CNDP1: variants seen among roughly 807,000 people sequenced by gnomAD.
The protein encoded by CNDP1 is beta-Ala-His dipeptidase.
In CNDP1, 44 loss-of-function variants were observed where a neutral mutation model predicts 58.1. The ratio of observed to expected loss-of-function variants is 0.76; its 90% CI spans 0.60 to 0.97. The LOEUF is 0.97. Ranked by LOEUF, CNDP1 falls within the 50% of genes least tolerant of loss-of-function variation. The probability of loss-of-function intolerance (pLI) is 0.00; values close to 1 mark genes in which losing one functional copy is unlikely to be tolerated. For missense variants in CNDP1, 616 were observed against 655.1 expected, an observed-to-expected ratio of 0.94 and a Z score of 0.65; for synonymous variants, 254 against 252.6, an observed-to-expected ratio of 1.01 and a Z score of -0.05.
intron 10 of CNDP1, among the ~76,000 whole-genome samples, chr18:74,582,666 A>G (rs1981817196): frequency 2.0e-5 from 3 of 152,224 alleles, no homozygotes; most frequent in Admixed American, 2.0e-4. Flanking sequence ...GATAAGCTTC[A>G]AGATGGTCAA....
Position 74,586,450 on chromosome 18 carries a change from A to C in CNDP1, c.*1888A>C, listed in dbSNP as rs1167202108. ...ACAGTAAGAGAGATTTAGAGTCTTC[A>C]TGTTAGTCCATTAACATAAGTTTAT... On this transcript the variant is annotated 3_prime_UTR_variant, in exon 12 of 12. Transcript: ENST00000358821. The C allele has an allele frequency of 6.6e-6, 1 of 152,226 alleles. No individual in the cohort carries two copies. Among genetic ancestry groups the C allele is most frequent in the African/African-American group, 2.4e-5 (1 of 41,462 alleles). The allele number at this position is 152,226 out of a possible 1,614,324, so 9.4% of individuals were successfully genotyped here.
At chr18:74,560,567 T>C (rs775410614) in intron 3 of CNDP1, among the ~76,000 whole-genome samples, 1 of 151,968 alleles carries the variant, frequency 6.6e-6, no homozygotes, top group Non-Finnish European at 1.5e-5. Context: ...TAGCCGGACA[T>C]GGTGGTGCAC....
chr18:74,582,926 C>T (rs1278969861), intron 10 of CNDP1, among the ~76,000 whole-genome samples: 3 of 152,164 alleles, frequency 2.0e-5, no homozygotes, highest in Non-Finnish European at 4.4e-5. Flanking sequence ...GATGGGAGCT[C>T]TCTCTCTACT....
chr18:74,567,022 C>A (rs1981344969), intron 5 of CNDP1: 2 of 562,272 alleles, frequency 3.6e-6, no homozygotes, highest in Non-Finnish European at 6.3e-6. Context: ...AGAAGCAAAC[C>A]CCTGATAAAC....
At chr18:74,582,730 A>G (rs1239683228) in intron 10 of CNDP1, among the ~76,000 whole-genome samples, 3 of 152,232 alleles carry the variant, frequency 2.0e-5, no homozygotes, top group African/African-American at 4.8e-5. Flanking sequence ...CAAGAAACTA[A>G]GAAGCAATAA....
At chr18:74,537,803 C>T (rs571699235) in intron 1 of CNDP1, among the ~76,000 whole-genome samples, 104 of 152,266 alleles carry the variant, frequency 6.8e-4, no homozygotes, top group African/African-American at 2.3e-3. Flanking sequence ...GGGAATGAAC[C>T]AGGTCATATA....
At chr18:74,548,707 G>A (rs1260615269) in intron 1 of CNDP1, among the ~76,000 whole-genome samples, 1 of 152,228 alleles carries the variant, frequency 6.6e-6, no homozygotes, top group Non-Finnish European at 1.5e-5. Flanking sequence ...ATGAGGGAAA[G>A]TTTGCAACTT....
At chr18:74,534,980 A>AT (rs1338256375) in intron 1 of CNDP1, among the ~76,000 whole-genome samples, 1 of 151,896 alleles carries the variant, frequency 6.6e-6, no homozygotes, top group Non-Finnish European at 1.5e-5. Flanking sequence ...TCTTAAATCA[A>AT]TTTTTTTCTG....
rs745534785 is a variant in CNDP1 at position 74,556,380 on chromosome 18, G to A, written c.67G>A (p.Gly23Ser). The A allele has an allele frequency of 1.2e-5, 20 of 1,612,396 alleles. No individual in the cohort carries two copies. The highest frequency in any genetic ancestry group is 1.5e-5 in the Non-Finnish European group (18 of 1,179,222). Residue 23 changes from glycine (G) to serine (S), a missense_variant, in exon 2 of 12, where the codon GGC (glycine) becomes AGC (serine). Transcript: ENST00000358821. Reference protein sequence around the residue: ...LAVLLLLLERGMFSSPSPPPA... With the variant: ...LAVLLLLLERSMFSSPSPPPA... ...TGTGCTGCTGCTGCTGCTGGAGCGC[G>A]GCATGTTCTCCTCACCCTCCCCGCC... is the stretch of plus-strand genomic sequence containing the variant.
At chr18:74,549,488 G>A (rs758614863) in intron 1 of CNDP1, among the ~76,000 whole-genome samples, 13 of 152,022 alleles carry the variant, frequency 8.6e-5, no homozygotes, top group Non-Finnish European at 1.8e-4. Context: ...AATTAAATGA[G>A]CACTGGCAGT....
intron 1 of CNDP1, among the ~76,000 whole-genome samples, chr18:74,555,702 G>A (rs1275773894): frequency 1.3e-5 from 2 of 152,036 alleles, no homozygotes; most frequent in African/African-American, 2.4e-5. Flanking sequence ...GTTGTGGTTG[G>A]GTCTCTCAGA....
Position 74,578,295 on chromosome 18 carries a change from C to A in CNDP1, c.1135C>A (p.Pro379Thr), listed in dbSNP as rs1437679367. 6.2e-7 allele frequency: 1 copy of A among 1,612,328 alleles called. No homozygotes were observed. The highest frequency in any genetic ancestry group is 1.1e-5 in the South Asian group (1 of 90,730). Reference protein sequence around the residue: ...VIGKFSIRLVPHMNVSAVEKQ... With the variant: ...VIGKFSIRLVTHMNVSAVEKQ... ...AGGAAAATTTTCAATCCGTCTAGTC[C>A]CTCACATGAATGTGTCTGCGGTGGA... Residue 379 changes from proline to threonine, a missense_variant, in exon 9 of 12, where the codon CCT (proline) becomes ACT (threonine). Physicochemically the swap from Pro to Thr is conservative, Grantham distance 38 (BLOSUM62 -1). Coordinates refer to ENST00000358821, the MANE Select transcript of CNDP1 (RefSeq NM_032649.6).
At chr18:74,561,901 ACTTTGCAATT>A in intron 4 of CNDP1, 136 bp from the exon 5 acceptor site, 1 of 631,680 alleles carries the variant, frequency 1.6e-6, no homozygotes, top group Admixed American at 2.5e-5. Flanking sequence ...AAGAAATCAT[ACTTTGCAATT>A]TCATGCAAGA....
chr18:74,546,835 C>T (rs899964889), intron 1 of CNDP1, among the ~76,000 whole-genome samples: 3 of 152,348 alleles, frequency 2.0e-5, no homozygotes, highest in East Asian at 1.9e-4. Flanking sequence ...AGCCATTTCA[C>T]GTGGTGTGTG....
intron 1 of CNDP1, among the ~76,000 whole-genome samples, chr18:74,539,563 G>A (rs936292700): frequency 1.3e-5 from 2 of 152,262 alleles, no homozygotes; most frequent in Non-Finnish European, 2.9e-5. Flanking sequence ...GGATTCCTCC[G>A]ACCAAACTCC....
rs773321987 is a variant in CNDP1, at chr18:74,584,637, G to T, written c.*75G>T. On this transcript the variant is annotated 3_prime_UTR_variant, in exon 12 of 12. Transcript: ENST00000358821. ...CCACATCCCTAGACAGGGATGGAATGTAAATATCCAGAGAATTTGGGTCTA... is the reference window on the plus strand; with the variant it reads ...CCACATCCCTAGACAGGGATGGAATTTAAATATCCAGAGAATTTGGGTCTA... The T allele has an allele frequency of 1.4e-5, 17 of 1,178,562 alleles. No homozygotes were observed. Among genetic ancestry groups the T allele is most frequent in the Non-Finnish European group, 2.0e-5 (16 of 785,320 alleles). 73.0% of individuals were successfully genotyped at this position (1,178,562 alleles called of 1,614,324 possible). A position where few individuals can be genotyped will look rare whatever the true frequency, so the allele number is the denominator to read the frequency against.
intron 8 of CNDP1, chr18:74,577,670 A>G (rs1028814709): frequency 1.3e-5 from 2 of 153,014 alleles, no homozygotes; most frequent in African/African-American, 4.8e-5. Context: ...TGAAGCAGGC[A>G]TCTTCTTGCA....
At chr18:74,542,003 G>A (rs1169928104) in intron 1 of CNDP1, among the ~76,000 whole-genome samples, 1 of 152,222 alleles carries the variant, frequency 6.6e-6, no homozygotes, top group African/African-American at 2.4e-5. Context: ...CCCAAAGACT[G>A]CAGATGAGGA....
intron 6 of CNDP1, among the ~76,000 whole-genome samples, chr18:74,570,321 C>A (rs1981447684): frequency 6.6e-6 from 1 of 151,916 alleles, no homozygotes; most frequent in South Asian, 2.1e-4. Context: ...AAAAAGAAAT[C>A]CTGGCTTGGC....
Sources: gnomAD v4.1 joint callset for allele counts (sites outside exome capture counted in the v4.1 genomes callset) on GRCh38, gnomAD v4.1.1 for gene constraint, MANE v1.5 for transcripts, NCBI Gene and HGNC (gene_info 2026-07-23, HGNC 2026-07-21) for gene names.